Variants in BTBD16 observed in about 807,000 individuals in gnomAD.
BTBD16 encodes the protein BTB/POZ domain-containing protein 16.
In BTBD16, 66 loss-of-function variants were observed where a neutral mutation model predicts 67.4. The observed-to-expected ratio is 0.98, with a 90% CI of 0.80 to 1.20. The LOEUF (loss-of-function observed/expected upper bound fraction) is 1.20. Among genes scored for constraint, BTBD16 ranks in the 50% most tolerant of loss-of-function variants. BTBD16 has a pLI of 0.00. For synonymous variants in BTBD16, 242 were observed against 236.4 expected (o/e 1.02, Z -0.22); for missense variants, 634 against 616.0 (o/e 1.03, Z -0.31).
intron 1 of BTBD16, among the ~76,000 whole-genome samples, chr10:122,271,961 G>A (rs1206443662): frequency 1.3e-5 from 2 of 152,146 alleles, no homozygotes; most frequent in Non-Finnish European, 2.9e-5. Context: ...TGCTGACCAG[G>A]TCTGCTTTAG....
At chr10:122,287,510 A>T in intron 5 of BTBD16, 1 of 984,140 alleles carries the variant, frequency 1.0e-6, no homozygotes, top group South Asian at 4.7e-5. Flanking sequence ...CAGAGATGAA[A>T]TCCCAGTGCC....
chr10:122,319,907 C>CTGTAGTTT (rs977201965), intron 10 of BTBD16, among the ~76,000 whole-genome samples: 18 of 151,994 alleles, frequency 1.2e-4, no homozygotes, highest in African/African-American at 3.9e-4. Flanking sequence ...TAAATGTTTC[C>CTGTAGTTT]TGTAGTTTTG....
intron 6 of BTBD16, among the ~76,000 whole-genome samples, chr10:122,290,217 C>A (rs2096371412): frequency 6.6e-6 from 1 of 152,148 alleles, no homozygotes; most frequent in South Asian, 2.1e-4. Flanking sequence ...AAGAGAGGTT[C>A]TTGTCATTGA....
intron 14 of BTBD16, 22 bp from the exon 15 acceptor site, chr10:122,336,472 A>G: frequency 1.9e-6 from 3 of 1,580,138 alleles, no homozygotes; most frequent in Non-Finnish European, 2.6e-6. Flanking sequence ...GTTCCACCTA[A>G]GGTGAATCAC....
At chr10:122,281,852 C>A (rs1165499215) in intron 3 of BTBD16, among the ~76,000 whole-genome samples, 1 of 152,214 alleles carries the variant, frequency 6.6e-6, no homozygotes, top group Non-Finnish European at 1.5e-5. Context: ...TCTTCTTCCC[C>A]TTCTGCCTTT....
intron 2 of BTBD16, 65 bp from the exon 3 acceptor site, chr10:122,276,726 G>A: frequency 6.3e-7 from 1 of 1,579,622 alleles, no homozygotes; most frequent in African/African-American, 1.4e-5. Flanking sequence ...ATACAATTTG[G>A]AAAATCTGGC....
chr10:122,329,833 C>T lies in BTBD16; in HGVS notation c.1003+262C>T, dbSNP rs1021423623. Among the ~76,000 whole-genome samples the T allele has an allele frequency of 5.9e-5, 9 of 152,064 alleles. 1 individual carries two copies. In the South Asian group the frequency reaches 1.2e-3, roughly 21 times the overall value. ...GGCTTATATATTGTGAAGCAGTGTA[C>T]GGCTGCCAAGGGCTGTTTTATTGGC... is the stretch of plus-strand genomic sequence containing the variant. On this transcript the variant is annotated intron_variant, in intron 11 of 15. Coordinates refer to ENST00000260723, the MANE Select transcript of BTBD16 (RefSeq NM_144587.5).
intron 5 of BTBD16, among the ~76,000 whole-genome samples, chr10:122,289,030 C>T (rs2096368996): frequency 1.3e-5 from 2 of 152,142 alleles, no homozygotes; most frequent in East Asian, 3.9e-4. Context: ...CATTGGCTAG[C>T]AATGAATTGG....
At chr10:122,307,123 T>G in intron 9 of BTBD16, 66 bp from the exon 10 acceptor site, 1 of 1,529,024 alleles carries the variant, frequency 6.5e-7, no homozygotes. Context: ...TCTAACCAGC[T>G]TCTTACAAGC....
chr10:122,283,075 G>A (rs1406516259), intron 3 of BTBD16, among the ~76,000 whole-genome samples: 1 of 152,204 alleles, frequency 6.6e-6, no homozygotes, highest in Non-Finnish European at 1.5e-5. Context: ...GCCGTGCTAA[G>A]GAGTTTGGGC....
chr10:122,332,850 CACAAACACCAACAGTT>C, intron 13 of BTBD16: 1 of 985,392 alleles, frequency 1.0e-6, no homozygotes, highest in Non-Finnish European at 1.2e-6. Flanking sequence ...TTCTATTTCC[CACAAACACCAACAGTT>C]GCAAACTGGC....
At position 122,322,940 on chromosome 10, in the gene BTBD16, G is replaced by C. The variant is rs72826344; in HGVS notation, c.912-6540G>C. On this transcript the variant is annotated intron_variant, in intron 10 of 15. Coordinates refer to ENST00000260723, the MANE Select transcript of BTBD16 (RefSeq NM_144587.5). ...AATAAAATAATTATTGGGATTATCT[G>C]TTCCTAAGCATGGCTCCCGCACTGG... is the stretch of plus-strand genomic sequence containing the variant. 7.2e-3 allele frequency among the ~76,000 whole-genome samples: 1,103 copies of C among 152,268 alleles called. 8 individuals are homozygous for C. The highest frequency in any genetic ancestry group is 0.027 in the Middle Eastern group (8 of 294).
intron 13 of BTBD16, among the ~76,000 whole-genome samples, chr10:122,334,632 G>A (rs904434101): frequency 2.1e-5 from 3 of 144,486 alleles, no homozygotes; most frequent in African/African-American, 7.8e-5. Context: ...TCAGCCTCCT[G>A]AGTAGCTGGG....
rs149204272 is a variant in BTBD16 at position 122,332,451 on chromosome 10, G to A, written c.1102G>A (p.Asp368Asn). ...NHYHALENGG[D>N]MVHLKDLNTQ... is the part of the protein sequence containing the mutation. ...TTCCTTTCAGCTGGAGAATGGGGGC[G>A]ACATGGTCCACCTGAAAGATCTTAA... The change falls in exon 13 of 16, where the codon GAC (aspartate) becomes AAC (asparagine). Residue 368 changes from aspartate (D) to asparagine (N), a missense_variant. Physicochemically the swap from Asp to Asn is conservative, Grantham distance 23. Coordinates refer to ENST00000260723, the MANE Select transcript of BTBD16 (RefSeq NM_144587.5). The A allele has an allele frequency of 2.4e-5, 39 of 1,613,904 alleles. No homozygotes were observed. Among genetic ancestry groups the A allele is most frequent in the South Asian group, 4.4e-5 (4 of 91,076 alleles).
chr10:122,314,503 C>A lies in BTBD16; in HGVS notation c.911+7195C>A, dbSNP rs552739489. Among the ~76,000 whole-genome samples the A allele has an allele frequency of 1.0e-3, 152 of 151,254 alleles. No individual in the cohort carries two copies. The Middle Eastern group carries it at 0.01, about 10-fold the overall frequency. On this transcript the variant is annotated intron_variant, in intron 10 of 15. Transcript: ENST00000260723. ...TAGATGGCAAAGTGAGACCCTGTCTCAAAAAAAATTAAAAATAAAAATAAA... is the reference window on the plus strand; with the variant it reads ...TAGATGGCAAAGTGAGACCCTGTCTAAAAAAAAATTAAAAATAAAAATAAA...
Position 122,331,196 on chromosome 10 carries a change from C to T in BTBD16, c.1024C>T (p.Arg342Trp), listed in dbSNP as rs113568037. ...CCCAGGCAAGGATCTGGAGGTGCTG[C>T]GGCACCTTAACTTCTTCCCAGAGTC... ...ITKGKDLEVL[R>W]HLNFFPESWL... The change falls in exon 12 of 16, where the codon CGG (arginine) becomes TGG (tryptophan). Residue 342 changes from arginine to tryptophan, a missense_variant. Arg to Trp is a moderately radical substitution (Grantham distance 101). Transcript: ENST00000260723. The T allele has an allele frequency of 6.0e-4, 969 of 1,612,790 alleles. 1 individual carries two copies. Among genetic ancestry groups the T allele is most frequent in the African/African-American group, 1.5e-3 (109 of 74,912 alleles).
At chr10:122,275,808 C>T (rs1014399003) in intron 2 of BTBD16, among the ~76,000 whole-genome samples, 25 of 152,140 alleles carry the variant, frequency 1.6e-4, no homozygotes, top group African/African-American at 6.0e-4. Flanking sequence ...TGCTGAATTT[C>T]CCCTGGAGCC....
intron 9 of BTBD16, among the ~76,000 whole-genome samples, chr10:122,300,042 C>G (rs2096390993): frequency 6.6e-6 from 1 of 152,174 alleles, no homozygotes; most frequent in African/African-American, 2.4e-5. Context: ...TTCTCCCTTA[C>G]AGAAATTCAT....
intron 5 of BTBD16, among the ~76,000 whole-genome samples, chr10:122,288,725 G>C (rs1254367359): frequency 6.6e-6 from 1 of 152,136 alleles, no homozygotes; most frequent in Admixed American, 6.5e-5. Context: ...GTTAGCAGGG[G>C]AGTGGGGTGC....
Sources: allele counts gnomAD v4.1 joint callset (sites outside exome capture counted in the v4.1 genomes callset), GRCh38; gene constraint gnomAD v4.1.1; transcripts MANE v1.5; gene names NCBI Gene and HGNC (gene_info 2026-07-23, HGNC 2026-07-21).